Variants in RPGRIP1 observed in about 807,000 individuals in gnomAD.
The protein encoded by RPGRIP1 is RPGR interacting protein 1, also known as X-linked retinitis pigmentosa GTPase regulator-interacting protein 1.
Under a neutral mutation model 157.9 loss-of-function variants are expected in RPGRIP1, and 128 were observed. That is an observed-to-expected ratio of 0.81 (90% CI 0.70 to 0.94). The LOEUF is 0.94. Ranked by LOEUF, RPGRIP1 falls within the 40% of genes least tolerant of loss-of-function variation. The pLI, the probability that RPGRIP1 is intolerant of heterozygous loss-of-function variation, is 0.00. For synonymous variants in RPGRIP1, 554 were observed against 571.6 expected (o/e 0.97, Z 0.44); for missense variants, 1,486 against 1,545.8 (o/e 0.96, Z 0.65).
At chr14:21,281,704 A>AATAATAATAAT (rs1555363835) in intron 1 of RPGRIP1, among the ~76,000 whole-genome samples, 7 of 133,996 alleles carry the variant, frequency 5.2e-5, no homozygotes, top group Non-Finnish European at 7.7e-5. Context: ...AAAAAAAAAT[A>AATAATAATAAT]AATAATAATA....
chr14:21,307,586 T>TACACC (rs1422448944), intron 6 of RPGRIP1, 145 bp from the exon 7 acceptor site: 32 of 606,372 alleles, frequency 5.3e-5, no homozygotes, highest in South Asian at 1.3e-4. Flanking sequence ...AGACTGTACA[T>TACACC]ACACCACATA....
At chr14:21,298,590 G>A (rs561383794) in intron 3 of RPGRIP1, among the ~76,000 whole-genome samples, 7 of 151,936 alleles carry the variant, frequency 4.6e-5, no homozygotes, top group African/African-American at 1.7e-4. Context: ...CTAATGTCAA[G>A]GGCAGTGTTT....
At position 21,341,409 on chromosome 14, in the gene RPGRIP1, A is replaced by G. The variant is rs190711668; in HGVS notation, c.3340-1627A>G. On this transcript the variant is annotated intron_variant, in intron 21 of 24. Coordinates refer to ENST00000400017, the MANE Select transcript of RPGRIP1 (RefSeq NM_020366.4). ...AGAGATCTTGCCTGCTGAATTTCTT[A>G]GGGGCAGGCACAGGAGCTCCACTTG... Among the ~76,000 whole-genome samples the G allele has an allele frequency of 2.9e-3, 440 of 152,228 alleles. 1 individual carries two copies. Among genetic ancestry groups the G allele is most frequent in the African/African-American group, 0.01 (417 of 41,526 alleles).
chr14:21,287,023 A>C (rs1421037946), intron 1 of RPGRIP1, among the ~76,000 whole-genome samples: 1 of 151,708 alleles, frequency 6.6e-6, no homozygotes, highest in African/African-American at 2.4e-5. Flanking sequence ...ACCCTGCCAA[A>C]AGAAAAAAAA....
chr14:21,334,420 A>T lies in RPGRIP1; in HGVS notation c.3239-185A>T, dbSNP rs17103594. On this transcript the variant is annotated intron_variant, in intron 20 of 24. Transcript: ENST00000400017. The stretch of plus-strand genomic sequence containing the variant: ...TCTTTTTTTGAGAAGTGAATCCTGT[A>T]TGTTTGGCAAGCTTCTGAATAAGTG... 0.023 allele frequency among the ~76,000 whole-genome samples: 3,490 copies of T among 151,024 alleles called. 108 individuals carry two copies. Among genetic ancestry groups the T allele is most frequent in the African/African-American group, 0.076 (3,119 of 41,046 alleles).
chr14:21,282,786 T>C (rs1419930626), intron 1 of RPGRIP1, among the ~76,000 whole-genome samples: 5 of 151,882 alleles, frequency 3.3e-5, no homozygotes, highest in Non-Finnish European at 1.5e-5. Flanking sequence ...ATTTTTTGTA[T>C]TTTGTAGTAG....
At chr14:21,328,030 C>T (rs992439643) in intron 18 of RPGRIP1, among the ~76,000 whole-genome samples, 13 of 152,182 alleles carry the variant, frequency 8.5e-5, no homozygotes, top group African/African-American at 2.2e-4. Context: ...ATTAGCTGGG[C>T]GTGGTGGCAC....
In RPGRIP1 at chr14:21,301,165, C is replaced by A; in HGVS notation, c.418C>A (p.Gln140Lys). 6.3e-7 allele frequency: 1 copy of A among 1,594,604 alleles called. No homozygotes were observed. The highest frequency in any genetic ancestry group is 2.3e-5 in the East Asian group (1 of 43,882). The change falls in exon 4 of 25, where the codon CAG (glutamine) becomes AAG (lysine). Residue 140 changes from glutamine to lysine, a missense_variant. Physicochemically the swap from Gln to Lys is moderately conservative, Grantham distance 53 (BLOSUM62 1). Coordinates refer to ENST00000400017, the MANE Select transcript of RPGRIP1 (RefSeq NM_020366.4). ...CVGPASPRRA[Q>K]PRVQVGHRQL... ...CGGCCCTGCCAGCCCCCGCCGCGCC[C>A]AGCCTCGCGTCCAAGTGGGACACAG...
chr14:21,343,204 GA>G lies in RPGRIP1; in HGVS notation c.3511del (p.Ile1171SerfsTer8), dbSNP rs1348586850. ...VSLRKPRAGE[E>X]IHFHFSKVID... ...CCTAAGGAAGCCTAGGGCAGGAGAA[GA>G]AATCCACTTTCACTTTAGCAAGGGT... On this transcript the variant is annotated frameshift_variant, in exon 22 of 25. Coordinates refer to ENST00000400017, the MANE Select transcript of RPGRIP1 (RefSeq NM_020366.4). LOFTEE classifies it high-confidence loss of function. The G allele has an allele frequency of 1.9e-6, 3 of 1,612,482 alleles. No individual in the cohort carries two copies. In the African/African-American group the frequency reaches 4.0e-5, roughly 22 times the overall value.
chr14:21,344,055 T>C (rs1248002145), intron 22 of RPGRIP1, among the ~76,000 whole-genome samples: 3 of 151,818 alleles, frequency 2.0e-5, no homozygotes, highest in African/African-American at 7.3e-5. Context: ...AATCTCCTGA[T>C]TCACCGGCTT....
At chr14:21,311,167 A>G (rs1367924502) in intron 8 of RPGRIP1, among the ~76,000 whole-genome samples, 1 of 152,208 alleles carries the variant, frequency 6.6e-6, no homozygotes, top group Non-Finnish European at 1.5e-5. Context: ...TAGTCATCAT[A>G]AAAAAGCAGT....
Position 21,317,753 on chromosome 14 carries a change from G to T in RPGRIP1, c.1209G>T (p.Ala403=). Residue 403 remains alanine, a synonymous_variant, in exon 11 of 25, where the codon GCG becomes GCT. Transcript: ENST00000400017. ...SQPHWSNELI[A]EQLQQQVSQL... is the part of the protein sequence containing the mutation. ...CCCACTGGAGCAACGAGCTCATAGC[G>T]GAACAGCTACAGCAGCAAGTCTCTC... is the stretch of plus-strand genomic sequence containing the variant. 6.3e-7 allele frequency: 1 copy of T among 1,594,092 alleles called. No individual in the cohort carries two copies. Among genetic ancestry groups the T allele is most frequent in the East Asian group, 2.3e-5 (1 of 44,090 alleles).
At chr14:21,300,684 A>G (rs1393875661) in intron 3 of RPGRIP1, among the ~76,000 whole-genome samples, 1 of 147,126 alleles carries the variant, frequency 6.8e-6, no homozygotes, top group Non-Finnish European at 1.5e-5. Flanking sequence ...GCACACAAAT[A>G]CTATTGGGGT....
In RPGRIP1 at chr14:21,348,192, G is replaced by A. The variant is rs1340317371; in HGVS notation, c.3638G>A (p.Ser1213Asn). ...DQGHLKFTVV[S>N]DPLDEEKKEC... ...TTTAGTTTAAAGTTTACAGTGGTAA[G>A]TGATCCTCTGGATGAAGAAAAGAAA... The change falls in exon 24 of 25, where the codon AGT becomes AAT. Residue 1213 changes from serine (S) to asparagine (N), a missense_variant. Coordinates refer to ENST00000400017, the MANE Select transcript of RPGRIP1 (RefSeq NM_020366.4). The A allele has an allele frequency of 4.4e-6, 7 of 1,584,188 alleles. No homozygotes were observed. Among genetic ancestry groups the A allele is most frequent in the Admixed American group, 1.8e-5 (1 of 54,962 alleles).
intron 3 of RPGRIP1, among the ~76,000 whole-genome samples, chr14:21,300,700 C>T (rs1880984141): frequency 7.2e-6 from 1 of 138,514 alleles, no homozygotes; most frequent in Non-Finnish European, 1.5e-5. Flanking sequence ...GGGGTAGTGG[C>T]TCAACTTTTT....
intron 19 of RPGRIP1, among the ~76,000 whole-genome samples, chr14:21,328,942 G>A (rs1342823604): frequency 6.6e-6 from 1 of 151,940 alleles, no homozygotes; most frequent in African/African-American, 2.4e-5. Context: ...TCAGGAGTTC[G>A]AGACCAGCTT....
intron 2 of RPGRIP1, among the ~76,000 whole-genome samples, chr14:21,288,509 T>G (rs2139132953): frequency 6.8e-6 from 1 of 148,134 alleles, no homozygotes; most frequent in African/African-American, 2.5e-5. Context: ...CTTAAGTTCT[T>G]TTTTTTTTTC....
At position 21,312,507 on chromosome 14, in the gene RPGRIP1, G is replaced by T; in HGVS notation, c.1151+1G>T. The T allele has an allele frequency of 2.5e-6, 4 of 1,605,100 alleles. No homozygotes were observed. Among genetic ancestry groups the T allele is most frequent in the Non-Finnish European group, 3.4e-6 (4 of 1,173,200 alleles). On this transcript the variant is annotated splice_donor_variant, in intron 10 of 24. Transcript: ENST00000400017. LOFTEE classifies it high-confidence loss of function. ...ACAATTATGACAAACTCTTAGAAAG[G>T]TGAGTACCACATTTGGGTCCCAGAG...
intron 24 of RPGRIP1, 62 bp downstream of exon 24, chr14:21,348,364 T>A: frequency 7.9e-7 from 1 of 1,261,298 alleles, no homozygotes; most frequent in Non-Finnish European, 1.1e-6. Flanking sequence ...AGTGAATATA[T>A]TTTATCTTCA....
Sources: gnomAD v4.1 joint callset for allele counts (sites outside exome capture counted in the v4.1 genomes callset) on GRCh38, gnomAD v4.1.1 for gene constraint, MANE v1.5 for transcripts, NCBI Gene and HGNC (gene_info 2026-07-23, HGNC 2026-07-21) for gene names.